Variants in DTX4 observed in about 807,000 individuals in gnomAD.
DTX4 encodes deltex E3 ubiquitin ligase 4, also known as E3 ubiquitin-protein ligase DTX4.
In DTX4, 28 loss-of-function variants were observed where a neutral mutation model predicts 57.6. The observed-to-expected ratio is 0.49, with a 90% CI of 0.36 to 0.67. DTX4 has a LOEUF of 0.67. Among genes scored for constraint, DTX4 ranks in the 30% least tolerant of loss-of-function variants. The pLI is 0.00. For synonymous variants in DTX4, 316 were observed against 331.0 expected (o/e 0.95, Z 0.49); for missense variants, 715 against 836.8 (o/e 0.85, Z 1.80).
intron 1 of DTX4, among the ~76,000 whole-genome samples, chr11:59,178,517 A>G (rs755393111): frequency 6.6e-6 from 1 of 152,228 alleles, no homozygotes; most frequent in Admixed American, 6.5e-5. Flanking sequence ...GTGATAAATG[A>G]TTAAATATTA....
Position 59,195,239 on chromosome 11 carries a change from C to A in DTX4, c.1406C>A (p.Thr469Asn), listed in dbSNP as rs749637228. Reference sequence around the variant, plus strand: ...AGTTTGCAGTGTCCAACCTGCAAGACCATTTATGGGGTGAAGACAGGCACC... The same window carrying A: ...AGTTTGCAGTGTCCAACCTGCAAGAACATTTATGGGGTGAAGACAGGCACC... ...DGSLQCPTCK[T>N]IYGVKTGTQP... The change falls in exon 7 of 9, where the codon ACC becomes AAC. Residue 469 changes from threonine to asparagine, a missense_variant. By Grantham distance (65) the Thr-to-Asn change is moderately conservative (BLOSUM62 0). Coordinates refer to ENST00000227451, the MANE Select transcript of DTX4 (RefSeq NM_015177.2). The A allele has an allele frequency of 6.2e-7, 1 of 1,613,848 alleles. No individual in the cohort carries two copies. Among genetic ancestry groups the A allele is most frequent in the East Asian group, 2.2e-5 (1 of 44,894 alleles).
chr11:59,187,883 G>C (rs984787902), intron 2 of DTX4, among the ~76,000 whole-genome samples: 1 of 152,244 alleles, frequency 6.6e-6, no homozygotes, highest in Non-Finnish European at 1.5e-5. Context: ...ATATGTCTCA[G>C]GGAAAAGGAG....
At chr11:59,195,728 G>A (rs2135523685) in intron 7 of DTX4, among the ~76,000 whole-genome samples, 1 of 152,192 alleles carries the variant, frequency 6.6e-6, no homozygotes, top group Non-Finnish European at 1.5e-5. Flanking sequence ...TTGTGTCTGT[G>A]TAATCATCCA....
chr11:59,177,149 G>A (rs1862405410), intron 1 of DTX4, among the ~76,000 whole-genome samples: 2 of 152,018 alleles, frequency 1.3e-5, no homozygotes. Context: ...TCTTATTTGG[G>A]CACCTAATAG....
chr11:59,185,051 G>C (rs1862511348), intron 2 of DTX4, among the ~76,000 whole-genome samples: 1 of 152,208 alleles, frequency 6.6e-6, no homozygotes, highest in African/African-American at 2.4e-5. Context: ...GAGGGCGGGA[G>C]GAGTGGGATG....
intron 1 of DTX4, 145 bp from the exon 2 acceptor site, chr11:59,181,594 C>G: frequency 8.6e-7 from 1 of 1,158,788 alleles, no homozygotes; most frequent in Admixed American, 2.4e-5. Flanking sequence ...TCATTCAAAG[C>G]TGGCACTTCA....
intron 4 of DTX4, 35 bp downstream of exon 4, chr11:59,189,358 C>A: frequency 1.3e-6 from 2 of 1,495,582 alleles, no homozygotes; most frequent in South Asian, 2.6e-5. Flanking sequence ...TACTGAGAGT[C>A]AAAGACTTGG....
chr11:59,198,863 C>T lies in DTX4; in HGVS notation c.1537-821C>T, dbSNP rs773492981. On this transcript the variant is annotated intron_variant, in intron 7 of 8. Coordinates refer to ENST00000227451, the MANE Select transcript of DTX4 (RefSeq NM_015177.2). Reference sequence around the variant, plus strand: ...GAGGAGGGGATTTGGTCATTGTTACCGGGAGAAAATTTGCCGCTTTTCATG... The same window carrying T: ...GAGGAGGGGATTTGGTCATTGTTACTGGGAGAAAATTTGCCGCTTTTCATG... 5.3e-5 allele frequency among the ~76,000 whole-genome samples: 8 copies of T among 152,160 alleles called. No homozygotes were observed. In the East Asian group the frequency reaches 9.6e-4, roughly 18 times the overall value.
In DTX4 at chr11:59,207,171, A is replaced by G. The variant is rs918487540; in HGVS notation, c.*2262A>G. 6.6e-6 allele frequency: 1 copy of G among 152,470 alleles called. No homozygotes were observed. The highest frequency in any genetic ancestry group is 2.4e-5 in the African/African-American group (1 of 41,470). The allele number at this position is 152,470 out of a possible 1,614,324, so 9.4% of individuals were successfully genotyped here. A position where few individuals can be genotyped will look rare whatever the true frequency, so the allele number is the denominator to read the frequency against. The stretch of plus-strand genomic sequence containing the variant: ...GGGAAGAAAGACACAATGAGGCAGT[A>G]GGAGGTGGGGAAGAAAAGAAGACAG... On this transcript the variant is annotated 3_prime_UTR_variant, in exon 9 of 9. Transcript: ENST00000227451.
chr11:59,204,420 G>A (rs1010899744), intron 8 of DTX4, among the ~76,000 whole-genome samples: 19 of 152,114 alleles, frequency 1.2e-4, no homozygotes, highest in African/African-American at 4.6e-4. Context: ...TTGTACCATT[G>A]CCATTTCATA....
chr11:59,189,112 T>C (rs1326495747), intron 3 of DTX4, 50 bp from the exon 4 acceptor site: 2 of 1,604,374 alleles, frequency 1.2e-6, no homozygotes, highest in Non-Finnish European at 1.7e-6. Context: ...TTGGGGAATG[T>C]TGAGAGCTAA....
At chr11:59,199,336 C>G (rs753060597) in intron 7 of DTX4, among the ~76,000 whole-genome samples, 2 of 152,198 alleles carry the variant, frequency 1.3e-5, no homozygotes, top group African/African-American at 2.4e-5. Context: ...TGATGTTAAA[C>G]ATTTACTGAG....
intron 8 of DTX4, among the ~76,000 whole-genome samples, chr11:59,202,881 T>G (rs2135527239): frequency 1.3e-5 from 2 of 152,338 alleles, no homozygotes; most frequent in South Asian, 4.1e-4. Context: ...GAATAGCCTA[T>G]TACACAGCTA....
chr11:59,189,587 T>C (rs1345718066), intron 4 of DTX4, among the ~76,000 whole-genome samples: 1 of 152,170 alleles, frequency 6.6e-6, no homozygotes, highest in Non-Finnish European at 1.5e-5. Context: ...AAAGAAAATA[T>C]GTTAGAAGAG....
chr11:59,172,143 G>C lies in DTX4; in HGVS notation c.-453G>C, dbSNP rs1443653876. ...GACCAGAGCGTGCCATTCCGAGCGC[G>C]GCCGTGCGGCGAGATCCCACCCCGG... On this transcript the variant is annotated 5_prime_UTR_variant, in exon 1 of 9. Coordinates refer to ENST00000227451, the MANE Select transcript of DTX4 (RefSeq NM_015177.2). 1.3e-5 allele frequency among the ~76,000 whole-genome samples: 2 copies of C among 152,048 alleles called. No individual in the cohort carries two copies. Among genetic ancestry groups the C allele is most frequent in the Non-Finnish European group, 2.9e-5 (2 of 67,980 alleles).
intron 7 of DTX4, among the ~76,000 whole-genome samples, chr11:59,196,985 A>C (rs1284070930): frequency 6.6e-6 from 1 of 152,240 alleles, no homozygotes; most frequent in East Asian, 1.9e-4. Context: ...TGTCTTGCAC[A>C]AAACCAGTCC....
rs1414138527 is a variant in DTX4, at chr11:59,207,818, G to A, written c.*2909G>A. ...CCCCTAAAAGGTTAATTGTGTATTT[G>A]TGGCTGCGTGTGCCTTTGTGTTTTC... On this transcript the variant is annotated 3_prime_UTR_variant, in exon 9 of 9. Transcript: ENST00000227451. 1 of 152,614 alleles carries A rather than the reference G, an allele frequency of 6.6e-6. No individual in the cohort carries two copies. Among genetic ancestry groups the A allele is most frequent in the Non-Finnish European group, 1.5e-5 (1 of 68,054 alleles). 9.5% of individuals were successfully genotyped at this position (152,614 alleles called of 1,614,324 possible). A position where few individuals can be genotyped will look rare whatever the true frequency, so the allele number is the denominator to read the frequency against.
At chr11:59,202,332 T>C (rs759682849) in intron 8 of DTX4, among the ~76,000 whole-genome samples, 1 of 152,230 alleles carries the variant, frequency 6.6e-6, no homozygotes, top group Non-Finnish European at 1.5e-5. Flanking sequence ...TTACTAGCTG[T>C]GGGAACTGGT....
chr11:59,175,744 T>A (rs1862387996), intron 1 of DTX4, among the ~76,000 whole-genome samples: 1 of 152,160 alleles, frequency 6.6e-6, no homozygotes, highest in Non-Finnish European at 1.5e-5. Flanking sequence ...CCCCTGTACC[T>A]TTCAGCATGC....
Sources: gnomAD v4.1 joint callset for allele counts (sites outside exome capture counted in the v4.1 genomes callset) on GRCh38, gnomAD v4.1.1 for gene constraint, MANE v1.5 for transcripts, NCBI Gene and HGNC (gene_info 2026-07-23, HGNC 2026-07-21) for gene names.